C10orf67: variants seen among roughly 807,000 people sequenced by gnomAD.
C10orf67 encodes chromosome 10 open reading frame 67.
Under a neutral mutation model 35.6 loss-of-function variants are expected in C10orf67, and 60 were observed. That is an observed-to-expected ratio of 1.68 (90% CI 1.37 to 2.09). The LOEUF is 2.09. Among genes scored for constraint, C10orf67 ranks in the 30% most tolerant of loss-of-function variants. The pLI is 0.00. For synonymous variants in C10orf67, 167 were observed against 115.8 expected (o/e 1.44, Z -2.84); for missense variants, 474 against 330.2 (o/e 1.44, Z -3.38).
chr10:23,303,616 C>T (rs1844171788), intron 4 of C10orf67, among the ~76,000 whole-genome samples, 157 bp from the exon 5 acceptor site: 1 of 152,200 alleles, frequency 6.6e-6, no homozygotes, highest in Non-Finnish European at 1.5e-5. Flanking sequence ...TTGTAACCTG[C>T]ATACAATTTT....
intron 12 of C10orf67, among the ~76,000 whole-genome samples, chr10:23,242,030 G>C (rs1037445556): frequency 6.6e-6 from 1 of 152,006 alleles, no homozygotes; most frequent in Middle Eastern, 3.4e-3. Flanking sequence ...GGAGTGCAGT[G>C]GCACAATCTT....
chr10:23,237,423 T>C (rs553347398), intron 13 of C10orf67, among the ~76,000 whole-genome samples: 2 of 152,290 alleles, frequency 1.3e-5, no homozygotes, highest in East Asian at 1.9e-4. Flanking sequence ...CACTCCTACC[T>C]GAGAGATATT....
intron 5 of C10orf67, among the ~76,000 whole-genome samples, chr10:23,291,735 T>A (rs1371383111): frequency 1.3e-5 from 2 of 152,124 alleles, no homozygotes; most frequent in Non-Finnish European, 2.9e-5. Flanking sequence ...CATTTCCCAG[T>A]GTCAGTGCTG....
At position 23,326,178 on chromosome 10, in the gene C10orf67, G is replaced by T. The variant is rs186977094; in HGVS notation, c.328-3641C>A. Among the ~76,000 whole-genome samples the T allele has an allele frequency of 9.9e-5, 15 of 152,164 alleles. No homozygotes were observed. The East Asian group carries it at 2.9e-3, about 29-fold the overall frequency. ...AATTTGGTGAAACATGCAGATTGTAGATGCTTAATTTATTTATCCAAGCAG... is the reference window on the plus strand; with the variant it reads ...AATTTGGTGAAACATGCAGATTGTATATGCTTAATTTATTTATCCAAGCAG... On this transcript the variant is annotated intron_variant, in intron 2 of 15. Coordinates refer to ENST00000636213, the MANE Select transcript of C10orf67 (RefSeq NM_001371909.1).
At chr10:23,207,359 G>T (rs1226978583) in intron 15 of C10orf67, among the ~76,000 whole-genome samples, 2 of 152,124 alleles carry the variant, frequency 1.3e-5, no homozygotes, top group Non-Finnish European at 2.9e-5. Context: ...TAAAGGGAAG[G>T]TTGCTAATTT....
intron 12 of C10orf67, among the ~76,000 whole-genome samples, chr10:23,242,275 CATT>C (rs1373301691): frequency 6.6e-6 from 1 of 152,026 alleles, no homozygotes; most frequent in Non-Finnish European, 1.5e-5. Flanking sequence ...GGCCTACTGA[CATT>C]ATTAATTGGC....
chr10:23,333,329 G>A, intron 1 of C10orf67, 147 bp from the exon 2 acceptor site: 1 of 650,426 alleles, frequency 1.5e-6, no homozygotes, highest in Non-Finnish European at 2.5e-6. Context: ...ATTAGCTCTT[G>A]TGATCTGGAG....
At chr10:23,264,976 A>C (rs1842847998) in intron 10 of C10orf67, among the ~76,000 whole-genome samples, 1 of 152,218 alleles carries the variant, frequency 6.6e-6, no homozygotes. Flanking sequence ...TATGTGGTCC[A>C]AAAAAATACT....
At chr10:23,260,767 A>G (rs78656226) in intron 10 of C10orf67, among the ~76,000 whole-genome samples, 2,292 of 152,300 alleles carry the variant, frequency 0.015, 53 homozygotes, top group African/African-American at 0.052. Flanking sequence ...CCTCTTATCA[A>G]TCAGCTGTTT....
At chr10:23,340,138 A>T (rs1300034472) in intron 1 of C10orf67, among the ~76,000 whole-genome samples, 1 of 151,972 alleles carries the variant, frequency 6.6e-6, no homozygotes, top group Non-Finnish European at 1.5e-5. Context: ...TTTTTTCAGG[A>T]TATGATTTAG....
chr10:23,319,926 G>A (rs1844878208), intron 4 of C10orf67, among the ~76,000 whole-genome samples: 1 of 152,188 alleles, frequency 6.6e-6, no homozygotes, highest in African/African-American at 2.4e-5. Context: ...TGGGGAGAAT[G>A]TGCAGTGGAG....
intron 10 of C10orf67, among the ~76,000 whole-genome samples, chr10:23,254,217 T>A (rs1330116416): frequency 2.0e-5 from 3 of 152,022 alleles, no homozygotes; most frequent in African/African-American, 7.2e-5. Flanking sequence ...AAAATGTGTG[T>A]TTTTTTTGAG....
chr10:23,254,150 G>A (rs1293552807), intron 10 of C10orf67, among the ~76,000 whole-genome samples: 1 of 152,160 alleles, frequency 6.6e-6, no homozygotes, highest in Non-Finnish European at 1.5e-5. Context: ...TTCCTAAGTA[G>A]GAAAACACAA....
intron 12 of C10orf67, among the ~76,000 whole-genome samples, chr10:23,248,356 C>T (rs367886172): frequency 7.2e-5 from 11 of 152,276 alleles, no homozygotes; most frequent in African/African-American, 1.4e-4. Context: ...CATAGGCAGT[C>T]GCATCAGGCT....
intron 4 of C10orf67, among the ~76,000 whole-genome samples, chr10:23,311,113 T>C (rs1844478134): frequency 6.6e-6 from 1 of 152,300 alleles, no homozygotes; most frequent in Non-Finnish European, 1.5e-5. Flanking sequence ...ATTACAGGCA[T>C]GAACCACCAC....
At chr10:23,225,573 G>A (rs1323083099) in intron 13 of C10orf67, among the ~76,000 whole-genome samples, 1 of 152,108 alleles carries the variant, frequency 6.6e-6, no homozygotes, top group Non-Finnish European at 1.5e-5. Context: ...ACACAGACTG[G>A]CAAATTGGAA....
chr10:23,274,165 CA>C (rs1164869461), intron 8 of C10orf67, among the ~76,000 whole-genome samples: 1 of 152,032 alleles, frequency 6.6e-6, no homozygotes, highest in Non-Finnish European at 1.5e-5. Flanking sequence ...AATGAAAGAT[CA>C]CAAGTCAAAG....
At chr10:23,249,202 G>T (rs895762201) in intron 12 of C10orf67, among the ~76,000 whole-genome samples, 1 of 149,366 alleles carries the variant, frequency 6.7e-6, no homozygotes, top group African/African-American at 2.5e-5. Context: ...GAAGAATAGG[G>T]TAAATCCCGT....
intron 9 of C10orf67, 63 bp from the exon 10 acceptor site, chr10:23,266,489 C>A (rs1564479667): frequency 2.5e-6 from 1 of 398,056 alleles, no homozygotes; most frequent in East Asian, 3.6e-5. Context: ...GTGTCCCTTT[C>A]TTTCACACTC....
Sources: allele counts gnomAD v4.1 joint callset (sites outside exome capture counted in the v4.1 genomes callset), GRCh38; gene constraint gnomAD v4.1.1; transcripts MANE v1.5; gene names NCBI Gene and HGNC (gene_info 2026-07-23, HGNC 2026-07-21).